The following STPG2 variants were observed in gnomAD, a reference collection of about 807,000 sequenced individuals.
STPG2 encodes the protein sperm tail PG-rich repeat containing 2.
A neutral mutation model predicts 54.2 loss-of-function variants in STPG2; 56 were observed. The observed-to-expected ratio is 1.03, with a 90% CI of 0.83 to 1.29. STPG2 has a LOEUF of 1.29. Among genes scored for constraint, STPG2 ranks in the 50% most tolerant of loss-of-function variants. STPG2 has a pLI of 0.00. For synonymous variants in STPG2, 200 were observed against 181.8 expected (o/e 1.10, Z -0.81); for missense variants, 596 against 544.9 (o/e 1.09, Z -0.93).
intron 10 of STPG2, among the ~76,000 whole-genome samples, chr4:97,641,392 CATT>C (rs1721759218): frequency 1.3e-5 from 2 of 151,228 alleles, no homozygotes; most frequent in African/African-American, 4.9e-5. Flanking sequence ...AATCCTTCAA[CATT>C]AATGATACAT....
chr4:97,785,487 T>C (rs1414589684), intron 9 of STPG2, among the ~76,000 whole-genome samples: 2 of 152,098 alleles, frequency 1.3e-5, no homozygotes, highest in Admixed American at 6.6e-5. Context: ...CAATAATTTG[T>C]AGTAAAATAT....
intron 5 of STPG2, among the ~76,000 whole-genome samples, chr4:98,033,005 A>G (rs182285596): frequency 9.2e-5 from 14 of 152,318 alleles, no homozygotes; most frequent in Non-Finnish European, 2.1e-4. Context: ...ACTAAAATCA[A>G]CACCCTAACA....
intron 10 of STPG2, among the ~76,000 whole-genome samples, chr4:97,636,178 T>A (rs1389256805): frequency 6.8e-6 from 1 of 146,424 alleles, no homozygotes; most frequent in African/African-American, 2.5e-5. Context: ...GAACTCAGGA[T>A]TAAGAATCTC....
chr4:97,469,347 C>A (rs1729868634), intron 4 of STPG2, among the ~76,000 whole-genome samples: 1 of 151,870 alleles, frequency 6.6e-6, no homozygotes, highest in Non-Finnish European at 1.5e-5. Context: ...ATGAAATGAA[C>A]CAAAACCAGA....
intron 9 of STPG2, among the ~76,000 whole-genome samples, chr4:97,717,872 A>G (rs1031625375): frequency 1.3e-5 from 2 of 152,176 alleles, no homozygotes; most frequent in African/African-American, 4.8e-5. Context: ...ACCAAATAAT[A>G]AAATATGAAG....
chr4:97,805,046 A>G (rs1727510534), intron 9 of STPG2, among the ~76,000 whole-genome samples: 1 of 152,130 alleles, frequency 6.6e-6, no homozygotes, highest in Non-Finnish European at 1.5e-5. Flanking sequence ...TATTTCCATC[A>G]CCAACCAACA....
At chr4:98,077,389 C>T (rs1264351816) in intron 5 of STPG2, among the ~76,000 whole-genome samples, 1 of 152,072 alleles carries the variant, frequency 6.6e-6, no homozygotes, top group Non-Finnish European at 1.5e-5. Context: ...ACTACAGGCG[C>T]GTACCACCAC....
chr4:97,723,003 G>T (rs1463733630), intron 9 of STPG2, among the ~76,000 whole-genome samples: 1 of 147,376 alleles, frequency 6.8e-6, no homozygotes, highest in Non-Finnish European at 1.5e-5. Flanking sequence ...TAGTGGAGAC[G>T]GGGTTTCACC....
At chr4:97,947,769 G>A (rs990592474) in intron 7 of STPG2, among the ~76,000 whole-genome samples, 2 of 151,976 alleles carry the variant, frequency 1.3e-5, no homozygotes, top group Non-Finnish European at 2.9e-5. Context: ...TGTTCATGAT[G>A]TATTATCTTT....
rs557996827 is a variant in STPG2 at position 97,561,867 on chromosome 4, G to A, written c.1321-2750C>T. ...AGCCTTGTAGTATACTTTGAAGTCAGGTAGCGTGATGCCTCCAGCTTTGTT... is the reference window on the plus strand; with the variant it reads ...AGCCTTGTAGTATACTTTGAAGTCAAGTAGCGTGATGCCTCCAGCTTTGTT... On this transcript the variant is annotated intron_variant, in intron 10 of 10. Coordinates refer to ENST00000295268, the MANE Select transcript of STPG2 (RefSeq NM_174952.3). 2.5e-3 allele frequency among the ~76,000 whole-genome samples: 375 copies of A among 152,268 alleles called. 2 individuals are homozygous for A. Among genetic ancestry groups the A allele is most frequent in the African/African-American group, 8.8e-3 (364 of 41,552 alleles).
chr4:97,804,724 C>T (rs971329911), intron 9 of STPG2, among the ~76,000 whole-genome samples: 10 of 152,168 alleles, frequency 6.6e-5, no homozygotes, highest in Non-Finnish European at 1.3e-4. Flanking sequence ...TCCAAAGCTA[C>T]TTCCAGTCTC....
At chr4:97,877,305 T>C (rs1730212745) in intron 8 of STPG2, among the ~76,000 whole-genome samples, 2 of 152,104 alleles carry the variant, frequency 1.3e-5, no homozygotes, top group Admixed American at 1.3e-4. Flanking sequence ...AACAACTCAA[T>C]AGCAAGAAAA....
At chr4:97,499,707 G>A (rs889576298) in intron 4 of STPG2, among the ~76,000 whole-genome samples, 1 of 151,940 alleles carries the variant, frequency 6.6e-6, no homozygotes, top group South Asian at 2.1e-4. Flanking sequence ...AGGCCTCTGG[G>A]AGAAGGTGGC....
chr4:97,682,827 C>A (rs1011695347), intron 10 of STPG2, among the ~76,000 whole-genome samples: 6 of 151,668 alleles, frequency 4.0e-5, no homozygotes, highest in Non-Finnish European at 5.9e-5. Context: ...TGGTGCTAAC[C>A]ATTACTCTAT....
chr4:97,637,147 A>G (rs1403773618), intron 10 of STPG2, among the ~76,000 whole-genome samples: 1 of 152,222 alleles, frequency 6.6e-6, no homozygotes, highest in African/African-American at 2.4e-5. Context: ...ATCCACCATG[A>G]TCGAGTGGGC....
chr4:97,751,439 G>A lies in STPG2; in HGVS notation c.1205-38625C>T, dbSNP rs183234486. 3.0e-3 allele frequency among the ~76,000 whole-genome samples: 456 copies of A among 151,864 alleles called. 1 individual carries two copies. Among genetic ancestry groups the A allele is most frequent in the African/African-American group, 0.011 (437 of 41,514 alleles). On this transcript the variant is annotated intron_variant, in intron 9 of 10. Coordinates refer to ENST00000295268, the MANE Select transcript of STPG2 (RefSeq NM_174952.3). ...ATGTTTCTTAAAGTTATGGTGACAT[G>A]CAACTCATTTTCCAAACTGCATGTA...
chr4:97,461,766 A>C (rs1012560264), intron 4 of STPG2, among the ~76,000 whole-genome samples: 8 of 151,848 alleles, frequency 5.3e-5, no homozygotes, highest in Admixed American at 5.2e-4. Flanking sequence ...TTTTCTTTTT[A>C]ATGTGCCTGT....
intron 9 of STPG2, among the ~76,000 whole-genome samples, chr4:97,764,750 C>T (rs1397798021): frequency 6.6e-6 from 1 of 151,966 alleles, no homozygotes; most frequent in Non-Finnish European, 1.5e-5. Flanking sequence ...CTACCCTTTC[C>T]CTTATTCCTC....
intron 5 of STPG2, among the ~76,000 whole-genome samples, chr4:98,083,147 C>T (rs1394984677): frequency 6.6e-6 from 1 of 152,060 alleles, no homozygotes; most frequent in Admixed American, 6.6e-5. Flanking sequence ...TCTCTTTCAC[C>T]CCACTTCCAC....
Sources: gnomAD v4.1 joint callset for allele counts (sites outside exome capture counted in the v4.1 genomes callset) on GRCh38, gnomAD v4.1.1 for gene constraint, MANE v1.5 for transcripts, NCBI Gene and HGNC (gene_info 2026-07-23, HGNC 2026-07-21) for gene names.